RDH12: variants seen among roughly 807,000 people sequenced by gnomAD.
RDH12 encodes all-trans and 9-cis retinol dehydrogenase.
Under a neutral mutation model 34.0 loss-of-function variants are expected in RDH12, and 21 were observed. The observed-to-expected ratio is 0.62, with a 90% CI of 0.44 to 0.89. The LOEUF is 0.89. Ranked by LOEUF, RDH12 falls within the 40% of genes least tolerant of loss-of-function variation. RDH12 has a pLI of 0.00. For missense variants in RDH12, 394 were observed against 398.6 expected, an observed-to-expected ratio of 0.99 and a Z score of 0.10; for synonymous variants, 198 against 169.9, an observed-to-expected ratio of 1.17 and a Z score of -1.29.
intron 1 of RDH12, chr14:67,715,327 G>A (rs550464645): frequency 6.6e-6 from 1 of 152,248 alleles, no homozygotes; most frequent in Non-Finnish European, 1.5e-5. Context: ...GTCATGCTGA[G>A]TATTCTTTAA....
chr14:67,728,708 G>GC (rs1242643823), intron 7 of RDH12, among the ~76,000 whole-genome samples: 1 of 151,116 alleles, frequency 6.6e-6, no homozygotes, highest in Non-Finnish European at 1.5e-5. Context: ...TCTTGTGGGG[G>GC]GGGGGTGTTA....
chr14:67,729,759 G>C, intron 8 of RDH12: 1 of 506,174 alleles, frequency 2.0e-6, no homozygotes, highest in Middle Eastern at 3.1e-4. Context: ...AAAGTGCTAG[G>C]GGAACGTCCT....
chr14:67,727,485 G>GC, intron 7 of RDH12: 1 of 256,528 alleles, frequency 3.9e-6, no homozygotes. Flanking sequence ...TGTTTTTTTT[G>GC]TTTTTTTTTT....
chr14:67,706,366 A>T (rs1405640520), intron 1 of RDH12: 1 of 152,254 alleles, frequency 6.6e-6, no homozygotes, highest in Non-Finnish European at 1.5e-5. Flanking sequence ...TTTATTTTCC[A>T]AGGTTGAGGA....
In RDH12 at chr14:67,720,363, G is replaced by T. The variant is rs373730941; in HGVS notation, c.-274-485G>T. On this transcript the variant is annotated intron_variant, in intron 1 of 8. Transcript: ENST00000551171. The stretch of plus-strand genomic sequence containing the variant: ...TCTTGCCTTGTGTATGATGGTTTTT[G>T]TCATGCTCATTTTTTAAGTTTTAGT... 3.0e-4 allele frequency among the ~76,000 whole-genome samples: 46 copies of T among 152,150 alleles called. 1 individual carries two copies. The highest frequency in any genetic ancestry group is 1.1e-3 in the African/African-American group (45 of 41,486).
At chr14:67,716,742 G>A (rs1341060884) in intron 1 of RDH12, among the ~76,000 whole-genome samples, 1 of 152,130 alleles carries the variant, frequency 6.6e-6, no homozygotes, top group Non-Finnish European at 1.5e-5. Context: ...AAATTAGCCA[G>A]ATGTGGTGGC....
chr14:67,714,094 T>A (rs1302734924), intron 1 of RDH12, among the ~76,000 whole-genome samples: 1 of 152,122 alleles, frequency 6.6e-6, no homozygotes, highest in African/African-American at 2.4e-5. Flanking sequence ...CTATTAGATT[T>A]AAAAAAATTG....
chr14:67,714,808 A>G (rs1297358925), intron 1 of RDH12: 2 of 152,290 alleles, frequency 1.3e-5, no homozygotes, highest in Admixed American at 6.5e-5. Flanking sequence ...AAGAGGGCCA[A>G]TAAGCCCAGG....
At position 67,733,924 on chromosome 14, in the gene RDH12, A is replaced by G. The variant is rs2038319566; in HGVS notation, c.*76A>G. On this transcript the variant is annotated 3_prime_UTR_variant, in exon 9 of 9. Coordinates refer to ENST00000551171, the MANE Select transcript of RDH12 (RefSeq NM_152443.3). ...AGGGACCAAGGAGAAGGCCAACCCT[A>G]AAGGATTGTCCTCTTGGCCAGCTGG... The G allele has an allele frequency of 9.1e-7, 1 of 1,099,068 alleles. No homozygotes were observed. Among genetic ancestry groups the G allele is most frequent in the African/African-American group, 1.5e-5 (1 of 64,634 alleles). 68.1% of individuals were successfully genotyped at this position (1,099,068 alleles called of 1,614,324 possible).
intron 1 of RDH12, among the ~76,000 whole-genome samples, chr14:67,719,719 C>T (rs1207174163): frequency 5.3e-5 from 8 of 152,174 alleles, no homozygotes; most frequent in Admixed American, 5.2e-4. Context: ...CTCACGTGAT[C>T]CTCCTGCCTC....
chr14:67,727,475 T>A, intron 7 of RDH12: 1 of 313,944 alleles, frequency 3.2e-6, no homozygotes, highest in Non-Finnish European at 6.2e-6. Flanking sequence ...AGAGGCTTTT[T>A]GTTTTTTTTG....
At chr14:67,717,201 G>T (rs1029886816) in intron 1 of RDH12, among the ~76,000 whole-genome samples, 16 of 152,076 alleles carry the variant, frequency 1.1e-4, no homozygotes, top group African/African-American at 3.9e-4. Context: ...GTATATATTT[G>T]CTGTTTTGAC....
chr14:67,722,957 G>A (rs953380469), intron 3 of RDH12, among the ~76,000 whole-genome samples: 13 of 152,178 alleles, frequency 8.5e-5, no homozygotes, highest in African/African-American at 2.9e-4. Flanking sequence ...TACTGCCAGC[G>A]GAAGGCTGCA....
At chr14:67,718,945 A>C (rs2038094758) in intron 1 of RDH12, among the ~76,000 whole-genome samples, 1 of 152,248 alleles carries the variant, frequency 6.6e-6, no homozygotes, top group African/African-American at 2.4e-5. Flanking sequence ...AACAGAAATT[A>C]AGGCCATTGG....
rs769909916 is a variant in RDH12 at position 67,726,978 on chromosome 14, C to T, written c.449-3C>T. 2.5e-6 allele frequency: 4 copies of T among 1,612,170 alleles called. No homozygotes were observed. The highest frequency in any genetic ancestry group is 2.2e-5 in the South Asian group (2 of 90,996). ...CAATCTTCCCTGCTGGCTCTCCTCACAGGCCACTTCCTCCTCACCTACCTG... is the reference window on the plus strand; with the variant it reads ...CAATCTTCCCTGCTGGCTCTCCTCATAGGCCACTTCCTCCTCACCTACCTG... On this transcript the variant is annotated splice_polypyrimidine_tract_variant and splice_region_variant and intron_variant, in intron 6 of 8. Transcript: ENST00000551171.
chr14:67,712,493 C>CAAAAAAAAAAAAA (rs79758974), intron 1 of RDH12, among the ~76,000 whole-genome samples: 2 of 38,930 alleles, frequency 5.1e-5, no homozygotes, highest in Non-Finnish European at 7.5e-5. Flanking sequence ...AAAAAACTTG[C>CAAAAAAAAAAAAA]AAAAAAAAAA....
intron 1 of RDH12, among the ~76,000 whole-genome samples, chr14:67,707,437 T>C (rs991700431): frequency 6.6e-6 from 1 of 151,820 alleles, no homozygotes; most frequent in Non-Finnish European, 1.5e-5. Flanking sequence ...AGAATATATA[T>C]ATATTTTTTG....
chr14:67,720,236 A>G (rs2038108634), intron 1 of RDH12, among the ~76,000 whole-genome samples: 1 of 152,148 alleles, frequency 6.6e-6, no homozygotes, highest in Non-Finnish European at 1.5e-5. Flanking sequence ...TTGGGTTGTT[A>G]TTCCTTTTCT....
At chr14:67,702,915 G>C (rs1489204099) in intron 1 of RDH12, among the ~76,000 whole-genome samples, 1 of 152,214 alleles carries the variant, frequency 6.6e-6, no homozygotes, top group African/African-American at 2.4e-5. Flanking sequence ...CCAGGCTCAA[G>C]TGATTCTCCC....
Sources: gnomAD v4.1 joint callset for allele counts (sites outside exome capture counted in the v4.1 genomes callset) on GRCh38, gnomAD v4.1.1 for gene constraint, MANE v1.5 for transcripts, NCBI Gene and HGNC (gene_info 2026-07-23, HGNC 2026-07-21) for gene names.